Variants in FBXO4 observed in about 807,000 individuals in gnomAD.
The protein encoded by FBXO4 is F-box only protein 4.
FBXO4 carries 36 observed loss-of-function variants against 43.7 expected under a neutral mutation model. That is an observed-to-expected ratio of 0.82 (90% CI 0.63 to 1.09). FBXO4 has a LOEUF of 1.09. Ranked by LOEUF, FBXO4 falls within the 50% of genes least tolerant of loss-of-function variation. The pLI is 0.00. For missense variants in FBXO4, 435 were observed against 474.1 expected (o/e 0.92, Z 0.77); for synonymous variants, 180 against 165.6 (o/e 1.09, Z -0.67).
At chr5:41,947,659 A>T in the FBXO4 span, among the ~76,000 whole-genome samples, 1 of 152,204 alleles carries the variant, frequency 6.6e-6, no homozygotes, top group South Asian at 2.1e-4. Context: ...GGAGGCAGGA[A>T]ATTGGGAGAA....
At chr5:42,019,220 T>G in the FBXO4 span, among the ~76,000 whole-genome samples, 1 of 152,174 alleles carries the variant, frequency 6.6e-6, no homozygotes, top group Non-Finnish European at 1.5e-5. Context: ...TAAAATGTGC[T>G]GTAAATATAA....
chr5:41,957,677 A>G, the FBXO4 span, among the ~76,000 whole-genome samples: 1 of 151,664 alleles, frequency 6.6e-6, no homozygotes, highest in Admixed American at 6.6e-5. Context: ...TATATTTATC[A>G]TATTTTAAAG....
chr5:41,968,167 T>A, the FBXO4 span: 1 of 255,942 alleles, frequency 3.9e-6, no homozygotes, highest in Non-Finnish European at 8.0e-6. Context: ...AAGGCAACAA[T>A]TTTTAGGTTG....
the FBXO4 span, among the ~76,000 whole-genome samples, chr5:42,019,049 T>A: frequency 6.6e-6 from 1 of 152,152 alleles, no homozygotes; most frequent in Non-Finnish European, 1.5e-5. Flanking sequence ...TAAAATGAGA[T>A]TAGTTTAACT....
At chr5:42,019,273 G>A in the FBXO4 span, among the ~76,000 whole-genome samples, 1 of 152,082 alleles carries the variant, frequency 6.6e-6, no homozygotes, top group African/African-American at 2.4e-5. Context: ...AAGGAGGAAT[G>A]TAAAATAACT....
the FBXO4 span, among the ~76,000 whole-genome samples, chr5:41,969,159 C>T: frequency 6.6e-6 from 1 of 152,094 alleles, no homozygotes; most frequent in Non-Finnish European, 1.5e-5. Flanking sequence ...GGTTGGTGCC[C>T]CTTAGCAGCA....
rs375292407 is a variant in FBXO4 at position 41,941,578 on chromosome 5, C to T, written c.*297C>T. On this transcript the variant is annotated 3_prime_UTR_variant, in exon 7 of 7. Transcript: ENST00000281623. ...AAATTCTGGAAAAAACAAGTTTGTG[C>T]CTCTCATTCCCTGAGTTTCTATTCT... 1.5e-5 allele frequency: 3 copies of T among 194,202 alleles called. No homozygotes were observed. Among genetic ancestry groups the T allele is most frequent in the South Asian group, 2.1e-4 (2 of 9,304 alleles). 12.0% of individuals were successfully genotyped at this position (194,202 alleles called of 1,614,324 possible).
the FBXO4 span, among the ~76,000 whole-genome samples, chr5:42,033,209 T>G: frequency 6.6e-6 from 1 of 152,074 alleles, no homozygotes; most frequent in East Asian, 1.9e-4. Flanking sequence ...CAGCACTCCT[T>G]TAGCTTCCCC....
the FBXO4 span, among the ~76,000 whole-genome samples, chr5:41,983,980 CTAT>C: frequency 1.3e-5 from 2 of 151,932 alleles, no homozygotes; most frequent in Non-Finnish European, 2.9e-5. Flanking sequence ...ATACCTCTGC[CTAT>C]CATCATTGCT....
intron 1 of FBXO4, among the ~76,000 whole-genome samples, chr5:41,926,353 C>CACG (rs1273898045): frequency 6.6e-6 from 1 of 152,150 alleles, no homozygotes; most frequent in Non-Finnish European, 1.5e-5. Flanking sequence ...GTGGGCGGAT[C>CACG]ACGAGGTCAG....
chr5:41,957,922 C>T, the FBXO4 span, among the ~76,000 whole-genome samples: 3 of 152,096 alleles, frequency 2.0e-5, no homozygotes, highest in African/African-American at 4.8e-5. Context: ...TAATCTAGTC[C>T]ATAATTTAGT....
chr5:42,007,382 A>G, the FBXO4 span, among the ~76,000 whole-genome samples: 199 of 152,220 alleles, frequency 1.3e-3, 2 homozygotes, highest in Middle Eastern at 0.037. Context: ...AATAATTTGT[A>G]TTAAAAGTAA....
At chr5:41,964,103 T>C in the FBXO4 span, 1 of 152,174 alleles carries the variant, frequency 6.6e-6, no homozygotes, top group African/African-American at 2.4e-5. Context: ...TAATTATGAG[T>C]AGTAAACAAA....
chr5:42,024,928 C>T, the FBXO4 span, among the ~76,000 whole-genome samples: 13 of 152,054 alleles, frequency 8.5e-5, no homozygotes, highest in African/African-American at 3.1e-4. Flanking sequence ...ATATGTACCA[C>T]ATTTTCTTTA....
chr5:42,005,867 C>A, the FBXO4 span, among the ~76,000 whole-genome samples: 5 of 151,926 alleles, frequency 3.3e-5, no homozygotes, highest in African/African-American at 1.2e-4. Context: ...TTTAGATTTC[C>A]TCTTTAAAAA....
At chr5:42,033,030 A>G in the FBXO4 span, among the ~76,000 whole-genome samples, 1 of 152,238 alleles carries the variant, frequency 6.6e-6, no homozygotes, top group African/African-American at 2.4e-5. Context: ...AATGCCTGGA[A>G]TGGGGCCTGA....
the FBXO4 span, among the ~76,000 whole-genome samples, chr5:41,948,166 T>C: frequency 0.012 from 1,755 of 148,846 alleles, 15 homozygotes; most frequent in Middle Eastern, 0.062. Context: ...AGATGGAGTC[T>C]CGCTCATCGC....
chr5:41,987,289 C>T, the FBXO4 span, among the ~76,000 whole-genome samples: 1 of 152,156 alleles, frequency 6.6e-6, no homozygotes, highest in East Asian at 1.9e-4. Flanking sequence ...CTCTTCCGAA[C>T]TTGACTTCTC....
the FBXO4 span, among the ~76,000 whole-genome samples, chr5:41,999,431 TA>T: frequency 1.4e-5 from 2 of 138,982 alleles, no homozygotes; most frequent in African/African-American, 2.7e-5. Context: ...AATATATATA[TA>T]AAATATATAT....
Sources: allele counts gnomAD v4.1 joint callset (sites outside exome capture counted in the v4.1 genomes callset), GRCh38; gene constraint gnomAD v4.1.1; transcripts MANE v1.5; gene names NCBI Gene and HGNC (gene_info 2026-07-23, HGNC 2026-07-21).